The following SUMF1 variants were observed in gnomAD, a reference collection of about 807,000 sequenced individuals.
SUMF1 encodes formylglycine-generating enzyme.
A neutral mutation model predicts 47.6 loss-of-function variants in SUMF1; 48 were observed. The observed-to-expected ratio is 1.01, with a 90% CI of 0.80 to 1.28. SUMF1 has a LOEUF of 1.28. SUMF1 is among the 50% of genes most tolerant of loss of function. The pLI is 0.00. For missense variants in SUMF1, 571 were observed against 485.4 expected (o/e 1.18, Z -1.66); for synonymous variants, 230 against 192.1 (o/e 1.20, Z -1.63).
At chr3:4,358,882 C>T (rs1699680664), downstream of SUMF1, among the ~76,000 whole-genome samples, 2 of 152,170 alleles carry the variant, frequency 1.3e-5, no homozygotes, top group South Asian at 4.1e-4. Flanking sequence ...GAAGGTGCCT[C>T]AAAACTTAAG....
chr3:4,382,196 A>C (rs759458308), intron 7 of SUMF1, among the ~76,000 whole-genome samples: 1 of 152,216 alleles, frequency 6.6e-6, no homozygotes, highest in Non-Finnish European at 1.5e-5. Context: ...TTAAATACTG[A>C]TCAATCTTAT....
At chr3:4,293,469 A>G (rs546479502) in intron 8 of SUMF1, among the ~76,000 whole-genome samples, 1 of 152,356 alleles carries the variant, frequency 6.6e-6, no homozygotes, top group Non-Finnish European at 1.5e-5. Flanking sequence ...GATAAAGAGA[A>G]TAGAATTAGA....
intron 8 of SUMF1, among the ~76,000 whole-genome samples, chr3:4,212,063 C>A (rs1695810896): frequency 6.6e-6 from 1 of 152,188 alleles, no homozygotes; most frequent in Admixed American, 6.5e-5. Context: ...CCTCCCAGCA[C>A]AGCATTCGAG....
rs573921131 is a variant in SUMF1, at chr3:4,083,821, G to A, written c.1015-15076C>T. Among the ~76,000 whole-genome samples, 186 of 147,616 alleles carry A rather than the reference G, an allele frequency of 1.3e-3. 1 individual carries two copies. Among genetic ancestry groups the A allele is most frequent in the African/African-American group, 4.4e-3 (176 of 39,556 alleles). On this transcript the variant is annotated intron_variant and NMD_transcript_variant, in intron 8 of 12. Transcript: ENST00000448413. Reference sequence around the variant, plus strand: ...ATACAAATACAAATATGACATCATCGTTGGCACACAGGCATGTCAAAAAAA... The same window carrying A: ...ATACAAATACAAATATGACATCATCATTGGCACACAGGCATGTCAAAAAAA...
chr3:4,399,632 T>C (rs1234956212), intron 7 of SUMF1, among the ~76,000 whole-genome samples: 2 of 152,072 alleles, frequency 1.3e-5, no homozygotes, highest in Non-Finnish European at 2.9e-5. Flanking sequence ...GAAAAAACAA[T>C]CTGTCCAGGG....
chr3:4,053,878 T>C lies in SUMF1; in HGVS notation c.1191+14691A>G, dbSNP rs1286577180. Among the ~76,000 whole-genome samples, 2 of 151,916 alleles carry C rather than the reference T, an allele frequency of 1.3e-5. 1 individual carries two copies. Among genetic ancestry groups the C allele is most frequent in the African/African-American group, 4.8e-5 (2 of 41,384 alleles). On this transcript the variant is annotated intron_variant and NMD_transcript_variant, in intron 9 of 12. Transcript: ENST00000448413. ...GTGAAATATGGATAAACTTAGAAAA[T>C]GAAAAACATAACACCTATGAAGTCC...
At chr3:4,135,709 T>C (rs1221574826) in intron 8 of SUMF1, among the ~76,000 whole-genome samples, 2 of 152,184 alleles carry the variant, frequency 1.3e-5, no homozygotes, top group Non-Finnish European at 2.9e-5. Flanking sequence ...ATGACATGAT[T>C]GTATATCTAG....
At chr3:4,318,470 G>A in intron 8 of SUMF1, among the ~76,000 whole-genome samples, 1 of 152,178 alleles carries the variant, frequency 6.6e-6, no homozygotes, top group Admixed American at 6.5e-5. Context: ...TATCTATGAA[G>A]ACCCACAGCT....
At chr3:4,042,147 C>T (rs1694918187) in intron 9 of SUMF1, among the ~76,000 whole-genome samples, 1 of 152,066 alleles carries the variant, frequency 6.6e-6, no homozygotes, top group Admixed American at 6.6e-5. Flanking sequence ...ATAATAAAAC[C>T]TATCTTGACT....
chr3:4,109,808 T>C (rs1693249624), intron 8 of SUMF1, among the ~76,000 whole-genome samples: 1 of 152,150 alleles, frequency 6.6e-6, no homozygotes, highest in South Asian at 2.1e-4. Flanking sequence ...GCATTGGTTA[T>C]TCTAGTTCGC....
intron 8 of SUMF1, among the ~76,000 whole-genome samples, chr3:4,221,492 G>A (rs956015487): frequency 6.6e-6 from 1 of 151,066 alleles, no homozygotes; most frequent in Admixed American, 6.6e-5. Context: ...ACATATATAA[G>A]CAAAGATCCA....
intron 8 of SUMF1, among the ~76,000 whole-genome samples, chr3:4,318,423 T>C (rs1309695597): frequency 6.6e-6 from 1 of 152,164 alleles, no homozygotes; most frequent in Non-Finnish European, 1.5e-5. Flanking sequence ...GTGAACAGAC[T>C]AGAAGTAAAC....
intron 7 of SUMF1, among the ~76,000 whole-genome samples, chr3:4,398,159 T>G (rs957133375): frequency 6.6e-6 from 1 of 152,142 alleles, no homozygotes; most frequent in Non-Finnish European, 1.5e-5. Flanking sequence ...TATACTTTTA[T>G]AGCAATAAAT....
At chr3:4,276,038 G>A (rs1180988583) in intron 8 of SUMF1, among the ~76,000 whole-genome samples, 3 of 152,076 alleles carry the variant, frequency 2.0e-5, no homozygotes, top group African/African-American at 7.2e-5. Flanking sequence ...AAATACTCAA[G>A]CCCTGATCTG....
intron 7 of SUMF1, among the ~76,000 whole-genome samples, chr3:4,379,974 A>T (rs1700451340): frequency 6.6e-6 from 1 of 152,210 alleles, no homozygotes; most frequent in African/African-American, 2.4e-5. Context: ...AATAAATCAA[A>T]ATTAACAGTG....
At chr3:4,124,574 T>C (rs945746911) in intron 8 of SUMF1, among the ~76,000 whole-genome samples, 4 of 151,544 alleles carry the variant, frequency 2.6e-5, no homozygotes, top group South Asian at 2.1e-4. Flanking sequence ...CTAAATCATA[T>C]ATATTTTAAT....
At chr3:4,109,540 T>C (rs1693242697) in intron 8 of SUMF1, among the ~76,000 whole-genome samples, 1 of 152,174 alleles carries the variant, frequency 6.6e-6, no homozygotes, top group Non-Finnish European at 1.5e-5. Flanking sequence ...GGTTCCATTC[T>C]TCCCATCATT....
chr3:4,234,546 A>T (rs536340332), intron 8 of SUMF1, among the ~76,000 whole-genome samples: 1 of 152,234 alleles, frequency 6.6e-6, no homozygotes, highest in South Asian at 2.1e-4. Flanking sequence ...ATGTGTATTC[A>T]TATATATACA....
intron 8 of SUMF1, among the ~76,000 whole-genome samples, chr3:4,279,240 G>T (rs1697481413): frequency 6.6e-6 from 1 of 152,056 alleles, no homozygotes; most frequent in African/African-American, 2.4e-5. Flanking sequence ...ACCTAAAATA[G>T]TTCATTAAAA....
Sources: gnomAD v4.1 joint callset for allele counts (sites outside exome capture counted in the v4.1 genomes callset) on GRCh38, gnomAD v4.1.1 for gene constraint, MANE v1.5 for transcripts, NCBI Gene and HGNC (gene_info 2026-07-23, HGNC 2026-07-21) for gene names.